The following MAPK10 variants were observed in gnomAD, a reference collection of about 807,000 sequenced individuals.
The protein encoded by MAPK10 is mitogen-activated protein kinase 10, also known as JNK3 alpha protein kinase.
MAPK10 carries 25 observed loss-of-function variants against 59.3 expected under a neutral mutation model. The observed-to-expected ratio is 0.42, with a 90% CI of 0.31 to 0.59. MAPK10 has a LOEUF of 0.59. Ranked by LOEUF, MAPK10 falls within the 20% of genes least tolerant of loss-of-function variation. The pLI, the probability that MAPK10 is intolerant of heterozygous loss-of-function variation, is 0.15. For missense variants in MAPK10, 351 were observed against 568.9 expected, an observed-to-expected ratio of 0.62 and a Z score of 3.90; for synonymous variants, 190 against 200.5, an observed-to-expected ratio of 0.95 and a Z score of 0.44.
intron 2 of MAPK10, among the ~76,000 whole-genome samples, chr4:86,268,937 T>C (rs1214805194): frequency 6.6e-6 from 1 of 152,176 alleles, no homozygotes; most frequent in Non-Finnish European, 1.5e-5. Context: ...TGACTACTTC[T>C]GTGTTGTTCT....
At position 86,078,999 on chromosome 4, in the gene MAPK10, C is replaced by T. The variant is rs549333412; in HGVS notation, c.803-11044G>A. Among the ~76,000 whole-genome samples the T allele has an allele frequency of 4.2e-4, 63 of 151,446 alleles. 1 individual carries two copies. The highest frequency in any genetic ancestry group is 7.4e-4 in the Non-Finnish European group (50 of 67,814). ...AGTGAAACTTTGTCCCCCACCCCCC[C>T]AAAAAAAGAAAAAGAAAAATGTTTT... On this transcript the variant is annotated intron_variant, in intron 9 of 13. Coordinates refer to ENST00000641462, the MANE Select transcript of MAPK10 (RefSeq NM_138982.4).
intron 2 of MAPK10, among the ~76,000 whole-genome samples, chr4:86,349,846 T>C (rs1174379220): frequency 6.6e-6 from 1 of 152,168 alleles, no homozygotes; most frequent in African/African-American, 2.4e-5. Flanking sequence ...CAGACCATCA[T>C]AGAGTCACAA....
At chr4:86,339,489 G>A (rs999415869) in intron 2 of MAPK10, among the ~76,000 whole-genome samples, 1 of 152,144 alleles carries the variant, frequency 6.6e-6, no homozygotes, top group Non-Finnish European at 1.5e-5. Context: ...TAGATTCAGG[G>A]TTTGAAAAAG....
At chr4:86,332,886 T>G (rs915661044) in intron 2 of MAPK10, among the ~76,000 whole-genome samples, 1 of 152,146 alleles carries the variant, frequency 6.6e-6, no homozygotes, top group African/African-American at 2.4e-5. Context: ...TGGCCATAGG[T>G]TTTGCATCCA....
chr4:86,037,911 A>T (rs1048667331), intron 11 of MAPK10, among the ~76,000 whole-genome samples: 1 of 152,246 alleles, frequency 6.6e-6, no homozygotes. Flanking sequence ...TATTCATTAA[A>T]GACAAATTTG....
At chr4:86,231,513 A>ATT (rs927662460) in intron 2 of MAPK10, among the ~76,000 whole-genome samples, 1 of 151,938 alleles carries the variant, frequency 6.6e-6, no homozygotes, top group Non-Finnish European at 1.5e-5. Flanking sequence ...AAATACGAAA[A>ATT]TTAGCCGGGC....
At chr4:86,275,896 G>A (rs1483241615) in intron 2 of MAPK10, among the ~76,000 whole-genome samples, 1 of 152,006 alleles carries the variant, frequency 6.6e-6, no homozygotes, top group Non-Finnish European at 1.5e-5. Context: ...ATTGCTGGCA[G>A]TCAATGCCTA....
intron 2 of MAPK10, among the ~76,000 whole-genome samples, chr4:86,311,233 T>C (rs1279825517): frequency 6.6e-6 from 1 of 152,114 alleles, no homozygotes; most frequent in African/African-American, 2.4e-5. Context: ...GCTTAAAAGA[T>C]AAAATACTAA....
chr4:86,533,113 C>G (rs1021056946), intron 1 of MAPK10, among the ~76,000 whole-genome samples: 2 of 151,554 alleles, frequency 1.3e-5, no homozygotes, highest in African/African-American at 4.8e-5. Flanking sequence ...TATAGATGAA[C>G]CTTAAAAACA....
intron 1 of MAPK10, among the ~76,000 whole-genome samples, chr4:86,509,306 T>A (rs1225949186): frequency 6.6e-6 from 1 of 152,090 alleles, no homozygotes; most frequent in Non-Finnish European, 1.5e-5. Context: ...ATTGAAGGAT[T>A]GATATTCTAT....
intron 2 of MAPK10, among the ~76,000 whole-genome samples, chr4:86,252,636 G>C (rs1248524227): frequency 9.9e-6 from 1 of 101,186 alleles, no homozygotes; most frequent in Non-Finnish European, 1.9e-5. Context: ...TTTTGGCTTA[G>C]GATTGACTTG....
chr4:86,410,767 A>G (rs1269861046), intron 1 of MAPK10, among the ~76,000 whole-genome samples: 1 of 151,806 alleles, frequency 6.6e-6, no homozygotes, highest in East Asian at 1.9e-4. Context: ...ATCATTTTTT[A>G]TTGTGTCTAT....
intron 2 of MAPK10, among the ~76,000 whole-genome samples, chr4:86,266,296 C>G (rs958618725): frequency 6.6e-5 from 10 of 152,140 alleles, no homozygotes; most frequent in African/African-American, 2.4e-4. Flanking sequence ...GCCTTGGTTT[C>G]AAATACTTGC....
intron 2 of MAPK10, among the ~76,000 whole-genome samples, chr4:86,305,522 TAAC>T (rs1321419881): frequency 2.6e-5 from 4 of 152,070 alleles, no homozygotes; most frequent in East Asian, 1.9e-4. Flanking sequence ...TAAGTTTTAA[TAAC>T]AACAAAATCA....
chr4:86,169,597 C>A (rs929229326), intron 3 of MAPK10, among the ~76,000 whole-genome samples: 2 of 152,006 alleles, frequency 1.3e-5, no homozygotes, highest in Admixed American at 1.3e-4. Flanking sequence ...ATTGGTGTAC[C>A]TGAAAGTGAC....
chr4:86,030,442 C>A (rs1293452570), intron 12 of MAPK10, among the ~76,000 whole-genome samples: 2 of 152,010 alleles, frequency 1.3e-5, no homozygotes, highest in Admixed American at 1.3e-4. Flanking sequence ...GTGATCCTCC[C>A]ACCTCAGCCT....
At chr4:86,528,469 C>A (rs1480980240) in intron 1 of MAPK10, among the ~76,000 whole-genome samples, 1 of 152,030 alleles carries the variant, frequency 6.6e-6, no homozygotes, top group Admixed American at 6.6e-5. Flanking sequence ...TATTTTTAAA[C>A]CTTTAAATAA....
chr4:86,060,229 T>C (rs941254791), intron 11 of MAPK10, among the ~76,000 whole-genome samples: 1 of 152,174 alleles, frequency 6.6e-6, no homozygotes, highest in Non-Finnish European at 1.5e-5. Flanking sequence ...GGCTTCTTCA[T>C]GATGATTTAT....
intron 1 of MAPK10, among the ~76,000 whole-genome samples, chr4:86,496,459 G>A (rs72665714): frequency 0.31 from 47,100 of 151,956 alleles, 7,609 homozygotes; most frequent in Admixed American, 0.36. Flanking sequence ...AATTAATTTT[G>A]TATTTGGAAT....
Sources: allele counts gnomAD v4.1 joint callset (sites outside exome capture counted in the v4.1 genomes callset), GRCh38; gene constraint gnomAD v4.1.1; transcripts MANE v1.5; gene names NCBI Gene and HGNC (gene_info 2026-07-23, HGNC 2026-07-21).